The following KIF13B variants were observed in gnomAD, a reference collection of about 807,000 sequenced individuals.
KIF13B encodes kinesin family member 13B.
Under a neutral mutation model 222.0 loss-of-function variants are expected in KIF13B, and 127 were observed. The ratio of observed to expected loss-of-function variants is 0.57; its 90% CI spans 0.50 to 0.66. The LOEUF is 0.66. Among genes scored for constraint, KIF13B ranks in the 30% least tolerant of loss-of-function variants. The probability of loss-of-function intolerance (pLI) is 0.00; values close to 1 mark genes in which losing one functional copy is unlikely to be tolerated. For missense variants in KIF13B, 2,173 were observed against 2,379.0 expected, an observed-to-expected ratio of 0.91 and a Z score of 1.80; for synonymous variants, 976 against 919.0, an observed-to-expected ratio of 1.06 and a Z score of -1.12.
At chr8:29,218,840 A>G (rs1814611357) in intron 2 of KIF13B, 1 of 152,268 alleles carries the variant, frequency 6.6e-6, no homozygotes, top group Non-Finnish European at 1.5e-5. Flanking sequence ...AGACAGCACT[A>G]CAGCCAAGGG....
intron 13 of KIF13B, 29 bp downstream of exon 13, chr8:29,160,704 G>GA: frequency 6.3e-7 from 1 of 1,596,574 alleles, no homozygotes; most frequent in Non-Finnish European, 8.5e-7. Context: ...TTTGTAACAA[G>GA]AATCTAGTAG....
intron 14 of KIF13B, among the ~76,000 whole-genome samples, chr8:29,152,821 G>A (rs560852973): frequency 1.7e-4 from 26 of 152,164 alleles, no homozygotes; most frequent in Non-Finnish European, 2.6e-4. Flanking sequence ...CAAGTAATCC[G>A]CCCACCTCAG....
At chr8:29,213,712 G>A (rs1451920145) in intron 2 of KIF13B, among the ~76,000 whole-genome samples, 1 of 152,110 alleles carries the variant, frequency 6.6e-6, no homozygotes, top group Non-Finnish European at 1.5e-5. Flanking sequence ...ACTTTGGGAG[G>A]CTGAGGCGGG....
intron 2 of KIF13B, among the ~76,000 whole-genome samples, chr8:29,213,636 T>C (rs996340389): frequency 1.3e-5 from 2 of 152,090 alleles, no homozygotes; most frequent in East Asian, 1.9e-4. Flanking sequence ...AACACAATAG[T>C]AGGCATTTGT....
chr8:29,131,346 A>G (rs1274031235), intron 23 of KIF13B, among the ~76,000 whole-genome samples: 2 of 152,148 alleles, frequency 1.3e-5, no homozygotes, highest in African/African-American at 4.8e-5. Context: ...TTAAAAAAAA[A>G]AAAGGAAAAA....
intron 2 of KIF13B, among the ~76,000 whole-genome samples, chr8:29,218,580 T>C (rs1006068986): frequency 2.0e-5 from 3 of 152,142 alleles, no homozygotes; most frequent in African/African-American, 7.2e-5. Flanking sequence ...GATTCTAAGA[T>C]ACAGAGCTTT....
intron 2 of KIF13B, among the ~76,000 whole-genome samples, chr8:29,208,614 C>T (rs541590862): frequency 7.0e-4 from 106 of 152,290 alleles, no homozygotes; most frequent in African/African-American, 2.5e-3. Flanking sequence ...TCTAGGTCAG[C>T]GTTGGCTTGG....
Position 29,123,345 on chromosome 8 carries a change from G to A in KIF13B, c.3479+21C>T. 1.9e-6 allele frequency: 3 copies of A among 1,612,858 alleles called. No individual in the cohort carries two copies. The South Asian group carries it at 3.3e-5, about 18-fold the overall frequency. On this transcript the variant is annotated intron_variant, in intron 28 of 39. Coordinates refer to ENST00000524189, the MANE Select transcript of KIF13B (RefSeq NM_015254.4). ...CTTGGTGAGCGTTCAGACCTCACAA[G>A]ACGCACCACAGGGTTCATACCATTC...
intron 35 of KIF13B, among the ~76,000 whole-genome samples, chr8:29,107,816 T>TC (rs1356165845): frequency 1.3e-5 from 2 of 152,112 alleles, no homozygotes; most frequent in African/African-American, 4.8e-5. Flanking sequence ...CTCCTTGGCC[T>TC]CCCAAAGTGC....
intron 13 of KIF13B, among the ~76,000 whole-genome samples, chr8:29,158,207 T>G (rs1023751375): frequency 1.2e-4 from 19 of 152,186 alleles, no homozygotes; most frequent in African/African-American, 4.6e-4. Context: ...CCTGCCCTAT[T>G]TTAACTCCTT....
At chr8:29,228,239 G>C (rs1471856624) in intron 2 of KIF13B, among the ~76,000 whole-genome samples, 1 of 151,474 alleles carries the variant, frequency 6.6e-6, no homozygotes, top group African/African-American at 2.4e-5. Flanking sequence ...TCCGAGGCAG[G>C]TGGATCACAA....
In KIF13B at chr8:29,180,118, C is replaced by T. The variant is rs761192518; in HGVS notation, c.706G>A (p.Asp236Asn). ...FKITLTHTLY[D>N]VKSGTSGEKV... is the part of the protein sequence containing the mutation. Reference sequence around the variant, plus strand: ...TGAACACCTACCCCAGACTTCACATCGTAGAGAGTATGTGTGAGGGTGATT... The same window carrying T: ...TGAACACCTACCCCAGACTTCACATTGTAGAGAGTATGTGTGAGGGTGATT... The change falls in exon 8 of 40, where the codon GAT becomes AAT. Residue 236 changes from aspartate (D) to asparagine (N), a missense_variant. Asp to Asn is a conservative substitution (Grantham distance 23, BLOSUM62 1). Transcript: ENST00000524189. The T allele has an allele frequency of 1.7e-5, 28 of 1,613,816 alleles. No individual in the cohort carries two copies. The highest frequency in any genetic ancestry group is 1.6e-4 in the Middle Eastern group (1 of 6,084).
At chr8:29,249,360 G>A (rs543690926) in intron 1 of KIF13B, among the ~76,000 whole-genome samples, 1 of 151,434 alleles carries the variant, frequency 6.6e-6, no homozygotes, top group South Asian at 2.1e-4. Flanking sequence ...AAACCAGGAG[G>A]TGGAGGTTGC....
At chr8:29,109,403 C>T (rs370203355) in intron 34 of KIF13B, 31 bp downstream of exon 34, 2 of 1,542,778 alleles carry the variant, frequency 1.3e-6, no homozygotes, top group African/African-American at 2.7e-5. Flanking sequence ...AAGTCCCAGG[C>T]ACAGCACAGA....
chr8:29,092,667 CCACCT>C (rs1392716353), intron 37 of KIF13B, 73 bp downstream of exon 37: 1 of 1,443,908 alleles, frequency 6.9e-7, no homozygotes, highest in Admixed American at 2.7e-5. Flanking sequence ...GGCCGCACCT[CCACCT>C]CCAGCTTTGG....
At chr8:29,142,048 G>C in intron 19 of KIF13B, 109 bp downstream of exon 19, 3 of 755,694 alleles carry the variant, frequency 4.0e-6, no homozygotes, top group Non-Finnish European at 6.4e-6. Context: ...TCCAGAAATA[G>C]GATTATAATT....
Position 29,067,648 on chromosome 8 carries a change from G to T in KIF13B, c.*2856C>A, listed in dbSNP as rs544212246. The T allele has an allele frequency of 4.6e-5, 7 of 152,304 alleles. No individual in the cohort carries two copies. Among genetic ancestry groups the T allele is most frequent in the Non-Finnish European group, 1.0e-4 (7 of 68,102 alleles). 9.4% of individuals were successfully genotyped at this position (152,304 alleles called of 1,614,324 possible). A position where few individuals can be genotyped will look rare whatever the true frequency, so the allele number is the denominator to read the frequency against. On this transcript the variant is annotated 3_prime_UTR_variant, in exon 40 of 40. Transcript: ENST00000524189. Reference sequence around the variant, plus strand: ...GTCAGTATCTTGGGCAGGAAGCACAGGGTGACTCCCGTCTTGTGTGCGTGC... The same window carrying T: ...GTCAGTATCTTGGGCAGGAAGCACATGGTGACTCCCGTCTTGTGTGCGTGC...
chr8:29,233,316 G>C (rs1385393821), intron 2 of KIF13B, among the ~76,000 whole-genome samples: 1 of 152,184 alleles, frequency 6.6e-6, no homozygotes, highest in African/African-American at 2.4e-5. Flanking sequence ...AAAGGAGAGG[G>C]AATAGTTACA....
intron 1 of KIF13B, among the ~76,000 whole-genome samples, chr8:29,254,981 T>C (rs2130688175): frequency 6.6e-6 from 1 of 152,332 alleles, no homozygotes; most frequent in South Asian, 2.1e-4. Context: ...TATTGATTCA[T>C]GACAAAACAT....
Sources: gnomAD v4.1 joint callset for allele counts (sites outside exome capture counted in the v4.1 genomes callset) on GRCh38, gnomAD v4.1.1 for gene constraint, MANE v1.5 for transcripts, NCBI Gene and HGNC (gene_info 2026-07-23, HGNC 2026-07-21) for gene names.